The following PDE10A variants were observed in gnomAD, a reference collection of about 807,000 sequenced individuals.
The protein encoded by PDE10A is phosphodiesterase 10A, also known as cAMP and cAMP-inhibited cGMP 3',5'-cyclic phosphodiesterase 10A.
In PDE10A, 39 loss-of-function variants were observed where a neutral mutation model predicts 97.7. That is an observed-to-expected ratio of 0.40 (90% CI 0.31 to 0.52). The LOEUF (loss-of-function observed/expected upper bound fraction) is 0.52. PDE10A is among the 20% of genes least tolerant of loss of function. The pLI is 0.56. For missense variants in PDE10A, 731 were observed against 1,047.8 expected (o/e 0.70, Z 4.17); for synonymous variants, 371 against 376.8 (o/e 0.98, Z 0.18).
intron 18 of PDE10A, among the ~76,000 whole-genome samples, chr6:165,347,390 CTTTAAA>C (rs1022422803): frequency 4.6e-5 from 7 of 152,098 alleles, no homozygotes; most frequent in African/African-American, 1.4e-4. Context: ...CTAAAATATA[CTTTAAA>C]TTTAAGTTCT....
chr6:165,407,130 T>A (rs1284157865), intron 13 of PDE10A, among the ~76,000 whole-genome samples: 1 of 152,194 alleles, frequency 6.6e-6, no homozygotes, highest in African/African-American at 2.4e-5. Flanking sequence ...CATCTATATA[T>A]GTATCCTGTT....
chr6:165,494,190 T>C lies in PDE10A; in HGVS notation c.995-11847A>G, dbSNP rs375321746. ...ATCACTGATGTTGGAGTGGATGTGG[T>C]GGAAAGGGAATACTCTTACACTGTT... On this transcript the variant is annotated intron_variant, in intron 2 of 21. Transcript: ENST00000539869. Among the ~76,000 whole-genome samples, 59 of 151,958 alleles carry C rather than the reference T, an allele frequency of 3.9e-4. No homozygotes were observed. The South Asian group carries it at 0.012, about 31-fold the overall frequency.
chr6:165,425,962 T>TA (rs775187012), intron 10 of PDE10A, among the ~76,000 whole-genome samples: 2 of 151,674 alleles, frequency 1.3e-5, no homozygotes, highest in Non-Finnish European at 2.9e-5. Context: ...ATAATAGCAT[T>TA]AAAAAAATAG....
rs140802834 is a variant in PDE10A, at chr6:165,734,771, G to A, written c.-614-191203C>T. On this transcript the variant is annotated intron_variant, in intron 1 of 19. Transcript: ENST00000366882. ...CATATTCTTAATGGGAATACCAGAA[G>A]GAGAAAATAAGGAGAATGACAGAGA... Among the ~76,000 whole-genome samples the A allele has an allele frequency of 1.4e-3, 211 of 152,184 alleles. 1 individual carries two copies. The highest frequency in any genetic ancestry group is 5.0e-3 in the African/African-American group (207 of 41,528).
At chr6:165,956,616 G>A (rs1221192137) in intron 1 of PDE10A, among the ~76,000 whole-genome samples, 2 of 152,172 alleles carry the variant, frequency 1.3e-5, no homozygotes, top group African/African-American at 4.8e-5. Context: ...AAATACTCAG[G>A]TCTTTTAAGT....
chr6:165,958,747 G>GAGAAAGAAAGAAAGAAAGAAAGAA (rs1554231017), intron 1 of PDE10A, among the ~76,000 whole-genome samples: 1 of 106,134 alleles, frequency 9.4e-6, no homozygotes, highest in African/African-American at 3.4e-5. Context: ...AAGAAAGAAA[G>GAGAAAGAAAGAAAGAAAGAAAGAA]AGAAAGAAAG....
chr6:165,448,779 G>C, intron 5 of PDE10A, 149 bp downstream of exon 5: 1 of 540,186 alleles, frequency 1.9e-6, no homozygotes, highest in Admixed American at 3.2e-5. Context: ...TAAAATTCTT[G>C]ACTGGTAATA....
rs1189473905 is a variant in PDE10A at position 165,330,723 on chromosome 6, C to A, written c.*2302G>T. On this transcript the variant is annotated 3_prime_UTR_variant, in exon 22 of 22. Coordinates refer to ENST00000539869, the MANE Select transcript of PDE10A (RefSeq NM_001385079.1). ...AAATGTAAATGTAGCCATGAGATTCCTAACTCCATAATTATTTTCTATATT... is the reference window on the plus strand; with the variant it reads ...AAATGTAAATGTAGCCATGAGATTCATAACTCCATAATTATTTTCTATATT... 1 of 152,084 alleles carries A rather than the reference C, an allele frequency of 6.6e-6. No homozygotes were observed. The highest frequency in any genetic ancestry group is 1.5e-5 in the Non-Finnish European group (1 of 67,984). 9.4% of individuals were successfully genotyped at this position (152,084 alleles called of 1,614,324 possible).
intron 20 of PDE10A, among the ~76,000 whole-genome samples, chr6:165,337,261 T>G (rs1781706709): frequency 6.6e-6 from 1 of 152,180 alleles, no homozygotes; most frequent in Non-Finnish European, 1.5e-5. Flanking sequence ...ACACAGCTTG[T>G]CTAGTCATAA....
intron 1 of PDE10A, among the ~76,000 whole-genome samples, chr6:165,900,499 A>T (rs994807608): frequency 7.2e-5 from 11 of 152,182 alleles, no homozygotes; most frequent in African/African-American, 2.4e-4. Context: ...AAAATAAAAA[A>T]AAAAGACATC....
chr6:165,348,811 G>A (rs1782492111), intron 18 of PDE10A, among the ~76,000 whole-genome samples: 1 of 152,118 alleles, frequency 6.6e-6, no homozygotes, highest in Non-Finnish European at 1.5e-5. Context: ...TAGGGATTCA[G>A]TTTTCACAGG....
intron 1 of PDE10A, among the ~76,000 whole-genome samples, chr6:165,551,960 T>C (rs1191655421): frequency 2.0e-5 from 3 of 152,108 alleles, no homozygotes; most frequent in Admixed American, 6.6e-5. Flanking sequence ...TCCTCCAGCA[T>C]GCCAAGCCCT....
At chr6:165,605,610 C>T (rs981589633) in intron 1 of PDE10A, among the ~76,000 whole-genome samples, 6 of 152,120 alleles carry the variant, frequency 3.9e-5, no homozygotes, top group Admixed American at 2.6e-4. Flanking sequence ...GTTTCTGGCT[C>T]CTTCCTTTGT....
chr6:165,405,637 G>A (rs1403860858), intron 13 of PDE10A, among the ~76,000 whole-genome samples: 1 of 152,176 alleles, frequency 6.6e-6, no homozygotes, highest in African/African-American at 2.4e-5. Context: ...GGGAACTAAG[G>A]CTCAAGAACA....
chr6:165,551,888 G>C (rs1784034636), intron 1 of PDE10A, among the ~76,000 whole-genome samples: 1 of 152,194 alleles, frequency 6.6e-6, no homozygotes, highest in Non-Finnish European at 1.5e-5. Flanking sequence ...TCTAACTGGA[G>C]GATGGAAAGG....
At chr6:165,554,700 G>C (rs1251626564) in intron 1 of PDE10A, among the ~76,000 whole-genome samples, 1 of 152,116 alleles carries the variant, frequency 6.6e-6, no homozygotes, top group Non-Finnish European at 1.5e-5. Context: ...ATATCGATGA[G>C]ATACCTGAAC....
rs571003652 is a variant in PDE10A, at chr6:165,434,908, T to G, written c.1335+329A>C. On this transcript the variant is annotated intron_variant, in intron 6 of 21. Transcript: ENST00000539869. ...CTTGAGGTAGTTTGTCATACAGCAA[T>G]AGCTAACTCATTCATATGCATCCCA... 3.6e-4 allele frequency among the ~76,000 whole-genome samples: 55 copies of G among 152,342 alleles called. 1 individual carries two copies. In the South Asian group the frequency reaches 7.2e-3, roughly 20 times the overall value.
At chr6:165,509,020 A>G (rs1052557865) in intron 2 of PDE10A, among the ~76,000 whole-genome samples, 2 of 152,006 alleles carry the variant, frequency 1.3e-5, no homozygotes, top group African/African-American at 4.8e-5. Flanking sequence ...TATAAACAGA[A>G]TCACATAATA....
chr6:165,611,328 C>A (rs1787483918), intron 1 of PDE10A, among the ~76,000 whole-genome samples: 1 of 152,162 alleles, frequency 6.6e-6, no homozygotes, highest in African/African-American at 2.4e-5. Flanking sequence ...CCAACCAGGA[C>A]TGAAAACATG....
Sources: gnomAD v4.1 joint callset for allele counts (sites outside exome capture counted in the v4.1 genomes callset) on GRCh38, gnomAD v4.1.1 for gene constraint, MANE v1.5 for transcripts, NCBI Gene and HGNC (gene_info 2026-07-23, HGNC 2026-07-21) for gene names.